SULT2B1: variants seen among roughly 807,000 people sequenced by gnomAD.
SULT2B1 encodes the protein sulfotransferase 2B1.
In SULT2B1, 16 loss-of-function variants were observed where a neutral mutation model predicts 33.2. That is an observed-to-expected ratio of 0.48 (90% CI 0.33 to 0.73). SULT2B1 has a LOEUF of 0.73. Ranked by LOEUF, SULT2B1 falls within the 30% of genes least tolerant of loss-of-function variation. The probability of loss-of-function intolerance (pLI) is 0.02; values close to 1 mark genes in which losing one functional copy is unlikely to be tolerated. For synonymous variants in SULT2B1, 186 were observed against 200.5 expected, an observed-to-expected ratio of 0.93 and a Z score of 0.61; for missense variants, 500 against 506.0, an observed-to-expected ratio of 0.99 and a Z score of 0.11.
chr19:48,586,594 G>C (rs907984392), intron 2 of SULT2B1, among the ~76,000 whole-genome samples: 3 of 152,202 alleles, frequency 2.0e-5, no homozygotes, highest in Admixed American at 6.6e-5. Flanking sequence ...GGGGAGAAGA[G>C]AAAAGGTCAT....
At chr19:48,581,207 ATTTT>A (rs35186872) in intron 2 of SULT2B1, among the ~76,000 whole-genome samples, 6 of 136,254 alleles carry the variant, frequency 4.4e-5, no homozygotes, top group African/African-American at 1.1e-4. Flanking sequence ...TGGTTTTTGC[ATTTT>A]TTTTTTTTTT....
In SULT2B1 at chr19:48,598,645, A is replaced by G. The variant is rs971008414; in HGVS notation, c.827-490A>G. Among the ~76,000 whole-genome samples, 10 of 152,206 alleles carry G rather than the reference A, an allele frequency of 6.6e-5. No individual in the cohort carries two copies. The East Asian group carries it at 1.2e-3, about 18-fold the overall frequency. ...TTCCTGAGGCTCGCTTGCTGCGCCA[A>G]TCAGCAAATTGTTTGCAAGCCCTGA... is the stretch of plus-strand genomic sequence containing the variant. On this transcript the variant is annotated intron_variant, in intron 6 of 6. Transcript: ENST00000201586.
chr19:48,561,710 C>A (rs1227251272), intron 1 of SULT2B1, among the ~76,000 whole-genome samples: 3 of 152,154 alleles, frequency 2.0e-5, no homozygotes, highest in Non-Finnish European at 4.4e-5. Context: ...TGCGGTGAGA[C>A]TGTCAGGCTT....
In SULT2B1 at chr19:48,587,360, C is replaced by A. The variant is rs780820646; in HGVS notation, c.346C>A (p.Gln116Lys). 12 of 1,614,094 alleles carry A rather than the reference C, an allele frequency of 7.4e-6. No homozygotes were observed. Among genetic ancestry groups the A allele is most frequent in the Admixed American group, 3.3e-5 (2 of 59,980 alleles). Residue 116 changes from glutamine to lysine, a missense_variant, in exon 3 of 7, where the codon CAG (glutamine) becomes AAG (lysine). Physicochemically the swap from Gln to Lys is moderately conservative, Grantham distance 53. Transcript: ENST00000201586. ...TIVGAFSLPD[Q>K]YSPRLMSSHL... ...TGTGGGTGCCTTCAGCCTCCCGGAC[C>A]AGTACAGCCCCCGCCTCATGAGCTC...
intron 2 of SULT2B1, among the ~76,000 whole-genome samples, chr19:48,586,428 T>C (rs922855986): frequency 1.3e-5 from 2 of 152,144 alleles, no homozygotes; most frequent in Admixed American, 1.3e-4. Context: ...GAGTCCCAGA[T>C]TCTCCCCTGG....
At chr19:48,580,388 T>C (rs1973470375) in intron 2 of SULT2B1, among the ~76,000 whole-genome samples, 1 of 151,144 alleles carries the variant, frequency 6.6e-6, no homozygotes, top group South Asian at 2.1e-4. Context: ...GCCTCCGGAG[T>C]AGCTGGGACC....
chr19:48,588,500 A>G (rs61400743), intron 3 of SULT2B1, among the ~76,000 whole-genome samples: 12,480 of 150,922 alleles, frequency 0.083, 1,762 homozygotes, highest in African/African-American at 0.29. Context: ...CAACAAAAGC[A>G]AAACTCCGTC....
At chr19:48,590,205 T>C (rs1325719515) in intron 3 of SULT2B1, among the ~76,000 whole-genome samples, 1 of 151,492 alleles carries the variant, frequency 6.6e-6, no homozygotes, top group African/African-American at 2.4e-5. Flanking sequence ...ACCAGGCTGG[T>C]CTCGAACACC....
chr19:48,575,475 TA>T (rs1973391258), intron 1 of SULT2B1: 1 of 147,762 alleles, frequency 6.8e-6, no homozygotes, highest in Non-Finnish European at 1.5e-5. Flanking sequence ...TATATATATA[TA>T]TATATTTATA....
At chr19:48,561,368 G>T (rs1973175400) in intron 1 of SULT2B1, among the ~76,000 whole-genome samples, 1 of 151,854 alleles carries the variant, frequency 6.6e-6, no homozygotes, top group African/African-American at 2.4e-5. Context: ...GGCAGAGGTT[G>T]CAGTGAGCCG....
chr19:48,599,111 C>A lies in SULT2B1; in HGVS notation c.827-24C>A. ...GCAGTGCTCCCCAGAGGCTCCTCAC[C>A]CCCTGGTGCCCCCTCTTCTCCAGGG... is the stretch of plus-strand genomic sequence containing the variant. On this transcript the variant is annotated intron_variant, in intron 6 of 6. Transcript: ENST00000201586. This position sits in a 1 kb window ranked among gnomAD's most constrained non-coding sequence, Gnocchi z 4.1. The A allele has an allele frequency of 1.3e-6, 2 of 1,553,438 alleles. No individual in the cohort carries two copies. The highest frequency in any genetic ancestry group is 1.9e-5 in the Admixed American group (1 of 52,118).
At chr19:48,561,816 TCTC>T (rs1369273404) in intron 1 of SULT2B1, among the ~76,000 whole-genome samples, 1 of 152,056 alleles carries the variant, frequency 6.6e-6, no homozygotes, top group Admixed American at 6.6e-5. Flanking sequence ...ACTCCCCTCT[TCTC>T]CAAAATGGGC....
At chr19:48,598,988 A>C in intron 6 of SULT2B1, 147 bp from the exon 7 acceptor site, 1 of 1,383,148 alleles carries the variant, frequency 7.2e-7, no homozygotes, top group Non-Finnish European at 9.6e-7. Flanking sequence ...CAAAGGGGGC[A>C]ATGTGGAGGG....
At chr19:48,557,122 GAATTT>G (rs767643600) in intron 1 of SULT2B1, among the ~76,000 whole-genome samples, 1 of 152,102 alleles carries the variant, frequency 6.6e-6, no homozygotes, top group East Asian at 1.9e-4. Context: ...GAATTGACCA[GAATTT>G]AATTCAGGAT....
chr19:48,575,883 G>A (rs758605975), intron 1 of SULT2B1, 58 bp from the exon 2 acceptor site: 1 of 1,567,980 alleles, frequency 6.4e-7, no homozygotes, highest in South Asian at 1.2e-5. Context: ...GCCACCCTGA[G>A]AACTCCAGCA....
intron 6 of SULT2B1, among the ~76,000 whole-genome samples, chr19:48,597,179 G>A (rs1056355394): frequency 1.4e-4 from 21 of 152,192 alleles, no homozygotes; most frequent in African/African-American, 1.7e-4. Flanking sequence ...AGGTTTACCC[G>A]AGAGAGATTT....
intron 1 of SULT2B1, among the ~76,000 whole-genome samples, chr19:48,555,631 G>GTGGCACAA (rs1183970374): frequency 8.0e-4 from 121 of 150,698 alleles, no homozygotes; most frequent in African/African-American, 3.0e-3. Context: ...CTGGAGTGCA[G>GTGGCACAA]TGGCACAATC....
chr19:48,569,825 C>T (rs1466350369), intron 1 of SULT2B1, among the ~76,000 whole-genome samples: 1 of 151,966 alleles, frequency 6.6e-6, no homozygotes, highest in African/African-American at 2.4e-5. Flanking sequence ...CGCCACCACG[C>T]CTGGCTAATT....
intron 2 of SULT2B1, among the ~76,000 whole-genome samples, chr19:48,579,521 A>G (rs1973456555): frequency 6.7e-6 from 1 of 149,322 alleles, no homozygotes; most frequent in African/African-American, 2.5e-5. Context: ...TGACCTCATG[A>G]TCCACCCGTC....
Sources: gnomAD v4.1 joint callset for allele counts (sites outside exome capture counted in the v4.1 genomes callset) on GRCh38, gnomAD v4.1.1 for gene constraint, Gnocchi (gnomAD v3.1) non-coding constraint, MANE v1.5 for transcripts, NCBI Gene and HGNC (gene_info 2026-07-23, HGNC 2026-07-21) for gene names.